The following CFAP54 variants were observed in gnomAD, a reference collection of about 807,000 sequenced individuals.
CFAP54 encodes cilia and flagella associated protein 54.
A neutral mutation model predicts 370.4 loss-of-function variants in CFAP54; 290 were observed. The ratio of observed to expected loss-of-function variants is 0.78; its 90% CI spans 0.71 to 0.86. The LOEUF (loss-of-function observed/expected upper bound fraction) is 0.86, where lower values mean the gene tolerates loss of function less well. CFAP54 is among the 40% of genes least tolerant of loss of function. CFAP54 has a pLI of 0.00. For missense variants in CFAP54, 3,399 were observed against 3,528.7 expected, an observed-to-expected ratio of 0.96 and a Z score of 0.93; for synonymous variants, 1,206 against 1,236.5, an observed-to-expected ratio of 0.98 and a Z score of 0.52.
intron 22 of CFAP54, among the ~76,000 whole-genome samples, chr12:96,588,788 A>T (rs1956097473): frequency 6.6e-6 from 1 of 152,244 alleles, no homozygotes; most frequent in Non-Finnish European, 1.5e-5. Context: ...AAAGAAATAT[A>T]TTCTACCATA....
chr12:96,812,227 A>C (rs1958935119), intron 64 of CFAP54, among the ~76,000 whole-genome samples: 1 of 152,192 alleles, frequency 6.6e-6, no homozygotes, highest in Non-Finnish European at 1.5e-5. Context: ...TTTTGCCTGT[A>C]GTTTCAGCGT....
At chr12:96,645,405 C>G (rs1187742457) in intron 33 of CFAP54, 2 of 280,680 alleles carry the variant, frequency 7.1e-6, no homozygotes, top group African/African-American at 4.4e-5. Context: ...ATGTGAAGGA[C>G]CTCTTCAAGG....
At chr12:96,565,533 G>A (rs1955858234) in intron 19 of CFAP54, among the ~76,000 whole-genome samples, 1 of 152,106 alleles carries the variant, frequency 6.6e-6, no homozygotes, top group Admixed American at 6.6e-5. Context: ...AAGCTAGGAG[G>A]GGGATATGGA....
chr12:96,595,124 T>C (rs964144464), intron 25 of CFAP54, among the ~76,000 whole-genome samples: 1 of 152,156 alleles, frequency 6.6e-6, no homozygotes, highest in African/African-American at 2.4e-5. Flanking sequence ...ATTCATTTCC[T>C]TGAGGTTTTA....
At chr12:96,615,545 C>CA (rs1453339363) in intron 26 of CFAP54, among the ~76,000 whole-genome samples, 2 of 152,170 alleles carry the variant, frequency 1.3e-5, no homozygotes, top group East Asian at 3.9e-4. Flanking sequence ...TTCTGCACAG[C>CA]AAAAGAAACT....
chr12:96,536,626 C>CTTTT (rs10638883), intron 12 of CFAP54, among the ~76,000 whole-genome samples: 3 of 138,142 alleles, frequency 2.2e-5, no homozygotes, highest in Admixed American at 7.3e-5. Context: ...TTTTCTTTTT[C>CTTTT]TTTTTTTTTT....
At chr12:96,516,120 T>A (rs1157530754) in intron 5 of CFAP54, among the ~76,000 whole-genome samples, 1 of 137,886 alleles carries the variant, frequency 7.3e-6, no homozygotes, top group Non-Finnish European at 1.5e-5. Context: ...TTTCACCTTG[T>A]TAGCCAGGAT....
At chr12:96,501,191 G>A in intron 2 of CFAP54, 1 of 329,518 alleles carries the variant, frequency 3.0e-6, no homozygotes, top group Non-Finnish European at 5.7e-6. Flanking sequence ...CAGGAGGGTG[G>A]CCGGGTTAAC....
At chr12:96,634,517 G>T (rs988193869) in intron 32 of CFAP54, among the ~76,000 whole-genome samples, 1 of 151,792 alleles carries the variant, frequency 6.6e-6, no homozygotes, top group African/African-American at 2.4e-5. Flanking sequence ...ATATGTTATT[G>T]GCAAATACTT....
chr12:96,548,320 C>A (rs976103476), intron 15 of CFAP54, among the ~76,000 whole-genome samples: 11 of 151,930 alleles, frequency 7.2e-5, no homozygotes, highest in African/African-American at 2.7e-4. Flanking sequence ...ATAATGTCTT[C>A]AAGATATTTG....
chr12:96,806,282 C>G (rs985088387), intron 63 of CFAP54, among the ~76,000 whole-genome samples: 1 of 141,438 alleles, frequency 7.1e-6, no homozygotes, highest in Non-Finnish European at 1.5e-5. Flanking sequence ...GTTGGACAGT[C>G]CAAGGCAAAG....
chr12:96,769,465 G>T (rs1003759517), intron 60 of CFAP54, among the ~76,000 whole-genome samples: 5 of 152,162 alleles, frequency 3.3e-5, no homozygotes, highest in African/African-American at 1.2e-4. Flanking sequence ...ACGTTCGGGG[G>T]GCTGTAGGTA....
intron 6 of CFAP54, among the ~76,000 whole-genome samples, chr12:96,519,326 T>C (rs1955277464): frequency 6.6e-6 from 1 of 152,196 alleles, no homozygotes; most frequent in Non-Finnish European, 1.5e-5. Context: ...TTCGAACTCC[T>C]GACCTCAGGT....
intron 26 of CFAP54, among the ~76,000 whole-genome samples, chr12:96,619,604 A>C (rs1234204476): frequency 6.6e-6 from 1 of 152,230 alleles, no homozygotes; most frequent in Non-Finnish European, 1.5e-5. Context: ...GGTATGTTAA[A>C]TAGAATTGGT....
In CFAP54 at chr12:96,829,143, T is replaced by C. The variant is rs2136758291; in HGVS notation, c.9171+55T>C. 3 of 1,004,760 alleles carry C rather than the reference T, an allele frequency of 3.0e-6. No individual in the cohort carries two copies. The South Asian group carries it at 4.9e-5, about 16-fold the overall frequency. The allele number at this position is 1,004,760 out of a possible 1,614,324, so 62.2% of individuals were successfully genotyped here. On this transcript the variant is annotated intron_variant, in intron 66 of 67. Coordinates refer to ENST00000524981, the MANE Select transcript of CFAP54 (RefSeq NM_001306084.2). ...AATTCACTCACAAGTATTATTGCTA[T>C]GAAATGGAAATATAGAAAACATCTA...
rs147458149 is a variant in CFAP54, at chr12:96,673,233, T to C, written c.5564-6367T>C. 4.9e-3 allele frequency among the ~76,000 whole-genome samples: 750 copies of C among 152,342 alleles called. 10 individuals carry two copies. Among genetic ancestry groups the C allele is most frequent in the African/African-American group, 0.015 (612 of 41,580 alleles). On this transcript the variant is annotated intron_variant, in intron 39 of 67. Coordinates refer to ENST00000524981, the MANE Select transcript of CFAP54 (RefSeq NM_001306084.2). Reference sequence around the variant, plus strand: ...ATATTGCACATGAGAAAATTAAACATTACTAGTAAGTGGTGGGCCTGTGAT... The same window carrying C: ...ATATTGCACATGAGAAAATTAAACACTACTAGTAAGTGGTGGGCCTGTGAT...
chr12:96,728,236 T>C (rs1173873831), intron 50 of CFAP54, among the ~76,000 whole-genome samples: 3 of 152,152 alleles, frequency 2.0e-5, no homozygotes, highest in Non-Finnish European at 4.4e-5. Context: ...CTTGCTAGAT[T>C]GGGGAAGTTC....
chr12:96,634,762 G>C (rs567793409), intron 32 of CFAP54, among the ~76,000 whole-genome samples: 1 of 152,290 alleles, frequency 6.6e-6, no homozygotes, highest in African/African-American at 2.4e-5. Flanking sequence ...TTTTGCATAA[G>C]ATGTGAGGTT....
At chr12:96,686,741 T>G (rs922373783) in intron 42 of CFAP54, among the ~76,000 whole-genome samples, 3 of 152,144 alleles carry the variant, frequency 2.0e-5, no homozygotes, top group African/African-American at 7.2e-5. Flanking sequence ...ATACTGGGGA[T>G]AACAGTTTAG....
Sources: gnomAD v4.1 joint callset for allele counts (sites outside exome capture counted in the v4.1 genomes callset) on GRCh38, gnomAD v4.1.1 for gene constraint, MANE v1.5 for transcripts, NCBI Gene and HGNC (gene_info 2026-07-23, HGNC 2026-07-21) for gene names.